CTNNBL1: variants seen among roughly 807,000 people sequenced by gnomAD.
CTNNBL1 encodes the protein catenin beta like 1, also known as beta-catenin-like protein 1.
In CTNNBL1, 31 loss-of-function variants were observed where a neutral mutation model predicts 72.7. That is an observed-to-expected ratio of 0.43 (90% CI 0.32 to 0.58). The LOEUF (loss-of-function observed/expected upper bound fraction) is 0.58, where lower values mean the gene tolerates loss of function less well. CTNNBL1 is among the 20% of genes least tolerant of loss of function. The probability of loss-of-function intolerance (pLI) is 0.08; values close to 1 mark genes in which losing one functional copy is unlikely to be tolerated. For missense variants in CTNNBL1, 534 were observed against 725.1 expected (o/e 0.74, Z 3.03); for synonymous variants, 240 against 267.3 (o/e 0.90, Z 1.00).
chr20:37,731,735 C>T (rs907547072), intron 1 of CTNNBL1, among the ~76,000 whole-genome samples: 2 of 152,076 alleles, frequency 1.3e-5, no homozygotes, highest in Non-Finnish European at 2.9e-5. Context: ...TCCAGGTTGT[C>T]TCAAATGACA....
intron 11 of CTNNBL1, among the ~76,000 whole-genome samples, chr20:37,838,903 A>G (rs2072277474): frequency 6.6e-6 from 1 of 152,134 alleles, no homozygotes; most frequent in Non-Finnish European, 1.5e-5. Flanking sequence ...AAGGAAAAAA[A>G]GTTGATAGGA....
chr20:37,848,889 G>A (rs188997488), intron 13 of CTNNBL1, among the ~76,000 whole-genome samples: 8 of 152,298 alleles, frequency 5.3e-5, no homozygotes, highest in Non-Finnish European at 1.0e-4. Flanking sequence ...CACGTAGCCA[G>A]CTGCCACCCG....
chr20:37,751,990 G>T (rs2073323871), intron 4 of CTNNBL1, among the ~76,000 whole-genome samples: 1 of 152,234 alleles, frequency 6.6e-6, no homozygotes, highest in Admixed American at 6.5e-5. Context: ...AATTAAATGT[G>T]CTCTGAAGAT....
chr20:37,817,034 A>T (rs189785558), intron 11 of CTNNBL1, among the ~76,000 whole-genome samples: 3 of 152,208 alleles, frequency 2.0e-5, no homozygotes, highest in Non-Finnish European at 4.4e-5. Flanking sequence ...ACATGATGTC[A>T]TTATCCCTAA....
At chr20:37,845,716 C>T (rs2072341744) in intron 13 of CTNNBL1, among the ~76,000 whole-genome samples, 1 of 152,194 alleles carries the variant, frequency 6.6e-6, no homozygotes, top group African/African-American at 2.4e-5. Context: ...CAGTTTGTCT[C>T]CTTGCCCCCA....
chr20:37,717,342 C>T (rs955015889), intron 1 of CTNNBL1, among the ~76,000 whole-genome samples: 1 of 152,242 alleles, frequency 6.6e-6, no homozygotes, highest in African/African-American at 2.4e-5. Flanking sequence ...TTGTAACGTG[C>T]AGAACCATTG....
chr20:37,696,568 TGAGTAGCTGGG>T, intron 1 of CTNNBL1, among the ~76,000 whole-genome samples: 1 of 150,380 alleles, frequency 6.6e-6, no homozygotes, highest in South Asian at 2.1e-4. Flanking sequence ...CTCAGCCTCC[TGAGTAGCTGGG>T]ATTACGGGCA....
At chr20:37,731,510 C>G (rs1398347703) in intron 1 of CTNNBL1, among the ~76,000 whole-genome samples, 4 of 152,176 alleles carry the variant, frequency 2.6e-5, no homozygotes, top group Non-Finnish European at 5.9e-5. Flanking sequence ...GCTGGGATTA[C>G]AGGTGTGAGC....
chr20:37,863,064 C>A (rs1040363697), intron 15 of CTNNBL1, among the ~76,000 whole-genome samples: 1 of 152,146 alleles, frequency 6.6e-6, no homozygotes, highest in Admixed American at 6.6e-5. Context: ...ATAATGGGAA[C>A]CAGTAACAAT....
chr20:37,735,099 C>G (rs1195297330), intron 2 of CTNNBL1, among the ~76,000 whole-genome samples: 1 of 152,176 alleles, frequency 6.6e-6, no homozygotes, highest in East Asian at 1.9e-4. Flanking sequence ...TGATAATAAC[C>G]ATAACAGCTT....
At chr20:37,720,551 C>T (rs1323715196) in intron 1 of CTNNBL1, among the ~76,000 whole-genome samples, 1 of 152,030 alleles carries the variant, frequency 6.6e-6, no homozygotes, top group African/African-American at 2.4e-5. Flanking sequence ...TTTTGAAAAA[C>T]AGAAAAATAG....
rs867286007 is a variant in CTNNBL1, at chr20:37,838,252, A to C, written c.1214-1850A>C. 2.1e-4 allele frequency among the ~76,000 whole-genome samples: 32 copies of C among 152,328 alleles called. 1 individual carries two copies. The highest frequency in any genetic ancestry group is 6.8e-3 in the Middle Eastern group (2 of 294). ...ACGTTAGGTGTTAACCTAAGGAATC[A>C]TGCTGGCTGCTCTATGGAGATTAGG... On this transcript the variant is annotated intron_variant, in intron 11 of 15. Coordinates refer to ENST00000361383, the MANE Select transcript of CTNNBL1 (RefSeq NM_030877.5).
chr20:37,867,905 G>A (rs2072549690), intron 15 of CTNNBL1, among the ~76,000 whole-genome samples: 1 of 152,310 alleles, frequency 6.6e-6, no homozygotes, highest in African/African-American at 2.4e-5. Flanking sequence ...GTGCCTGAGG[G>A]TGCAGCTTCC....
intron 3 of CTNNBL1, among the ~76,000 whole-genome samples, chr20:37,743,816 A>G (rs374474913): frequency 3.9e-5 from 6 of 152,174 alleles, no homozygotes; most frequent in Non-Finnish European, 8.8e-5. Context: ...ACATTAAAAT[A>G]AATTTCAGAT....
At chr20:37,771,185 G>A (rs2073520020) in intron 7 of CTNNBL1, among the ~76,000 whole-genome samples, 1 of 152,196 alleles carries the variant, frequency 6.6e-6, no homozygotes, top group African/African-American at 2.4e-5. Context: ...AGAGGTTATA[G>A]CAGTGGGTTT....
chr20:37,757,647 C>G lies in CTNNBL1; in HGVS notation c.555C>G (p.Ile185Met). Reference protein sequence around the residue: ...HESEEGAEVLIDALVDGQVVA... With the variant: ...HESEEGAEVLMDALVDGQVVA... ...GTGAAGAGGGAGCAGAAGTGCTCAT[C>G]GATGCTCTGGTAAGTTGCACATCCT... The change falls in exon 5 of 16, where the codon ATC (isoleucine) becomes ATG (methionine). Residue 185 changes from isoleucine (I) to methionine (M), a missense_variant. Ile to Met is a conservative substitution (Grantham distance 10). Coordinates refer to ENST00000361383, the MANE Select transcript of CTNNBL1 (RefSeq NM_030877.5). The G allele has an allele frequency of 6.2e-7, 1 of 1,612,366 alleles. No homozygotes were observed. The highest frequency in any genetic ancestry group is 1.1e-5 in the South Asian group (1 of 90,932).
chr20:37,793,495 A>G (rs2073744273), intron 10 of CTNNBL1, among the ~76,000 whole-genome samples: 1 of 152,192 alleles, frequency 6.6e-6, no homozygotes, highest in South Asian at 2.1e-4. Flanking sequence ...TTCTGTTATG[A>G]ACTAAACTGT....
chr20:37,720,723 T>C (rs2073033335), intron 1 of CTNNBL1, among the ~76,000 whole-genome samples: 1 of 152,162 alleles, frequency 6.6e-6, no homozygotes, highest in Admixed American at 6.5e-5. Context: ...CTTTAGTGAG[T>C]ATATATATGC....
At chr20:37,742,154 C>G (rs1252498840) in intron 3 of CTNNBL1, among the ~76,000 whole-genome samples, 1 of 152,200 alleles carries the variant, frequency 6.6e-6, no homozygotes, top group Non-Finnish European at 1.5e-5. Context: ...TCCTTAGAAT[C>G]TTGGTTGTTT....
Sources: gnomAD v4.1 joint callset for allele counts (sites outside exome capture counted in the v4.1 genomes callset) on GRCh38, gnomAD v4.1.1 for gene constraint, MANE v1.5 for transcripts, NCBI Gene and HGNC (gene_info 2026-07-23, HGNC 2026-07-21) for gene names.